The following PLXNA4 variants were observed in gnomAD, a reference collection of about 807,000 sequenced individuals.
PLXNA4 encodes the protein plexin-A4.
Under a neutral mutation model 191.8 loss-of-function variants are expected in PLXNA4, and 44 were observed. The ratio of observed to expected loss-of-function variants is 0.23; its 90% CI spans 0.18 to 0.29. PLXNA4 has a LOEUF of 0.29. Ranked by LOEUF, PLXNA4 falls within the 10% of genes least tolerant of loss-of-function variation. The probability of loss-of-function intolerance (pLI) is 1.00; values close to 1 mark genes in which losing one functional copy is unlikely to be tolerated. For synonymous variants in PLXNA4, 1,082 were observed against 1,009.5 expected, an observed-to-expected ratio of 1.07 and a Z score of -1.36; for missense variants, 1,800 against 2,488.8, an observed-to-expected ratio of 0.72 and a Z score of 5.89.
intron 2 of PLXNA4, among the ~76,000 whole-genome samples, chr7:132,607,591 G>A (rs1344357274): frequency 6.6e-6 from 1 of 152,250 alleles, no homozygotes; most frequent in Admixed American, 6.5e-5. Flanking sequence ...GAGGGGCTAT[G>A]AGAGCAATGA....
chr7:132,366,687 T>C (rs1017561403), intron 3 of PLXNA4, among the ~76,000 whole-genome samples: 3 of 152,214 alleles, frequency 2.0e-5, no homozygotes, highest in Non-Finnish European at 4.4e-5. Context: ...AAATTTTCCT[T>C]GGAAATATTA....
intron 3 of PLXNA4, among the ~76,000 whole-genome samples, chr7:132,405,657 C>A (rs1282914816): frequency 6.6e-6 from 1 of 152,212 alleles, no homozygotes; most frequent in Non-Finnish European, 1.5e-5. Context: ...GGTCCCACAG[C>A]CCATCACTTG....
intron 2 of PLXNA4, among the ~76,000 whole-genome samples, chr7:132,494,966 G>A (rs61429760): frequency 0.069 from 10,484 of 152,148 alleles, 830 homozygotes; most frequent in African/African-American, 0.19. Flanking sequence ...GTAGACCTGG[G>A]GAACAGTGGG....
At chr7:132,433,617 A>G (rs1795358336) in intron 3 of PLXNA4, among the ~76,000 whole-genome samples, 1 of 152,184 alleles carries the variant, frequency 6.6e-6, no homozygotes, top group Non-Finnish European at 1.5e-5. Flanking sequence ...AGAAAAGAGA[A>G]CCAGCTGGAC....
At chr7:132,364,724 T>C (rs1804085981) in intron 3 of PLXNA4, among the ~76,000 whole-genome samples, 1 of 152,192 alleles carries the variant, frequency 6.6e-6, no homozygotes, top group Non-Finnish European at 1.5e-5. Context: ...TGACGGTTCC[T>C]TTTTCTCACT....
intron 3 of PLXNA4, among the ~76,000 whole-genome samples, chr7:132,328,073 C>T (rs55646150): frequency 2.6e-5 from 4 of 152,258 alleles, no homozygotes; most frequent in Middle Eastern, 3.4e-3. Context: ...CTCTCTTCCT[C>T]GTTCCGCTCT....
chr7:132,544,306 C>T (rs1305737172), intron 1 of PLXNA4, among the ~76,000 whole-genome samples: 1 of 152,214 alleles, frequency 6.6e-6, no homozygotes, highest in Non-Finnish European at 1.5e-5. Flanking sequence ...AGAGAACCTA[C>T]CCATGGTGTC....
At chr7:132,518,613 C>T (rs913859700) in intron 1 of PLXNA4, among the ~76,000 whole-genome samples, 21 of 152,168 alleles carry the variant, frequency 1.4e-4, no homozygotes, top group Non-Finnish European at 2.5e-4. Flanking sequence ...GCAACCAGCC[C>T]GGTCCCAGGG....
At chr7:132,630,588 T>C (rs571853659) in intron 2 of PLXNA4, among the ~76,000 whole-genome samples, 3 of 152,278 alleles carry the variant, frequency 2.0e-5, no homozygotes, top group East Asian at 1.9e-4. Flanking sequence ...CTTGGCTCAC[T>C]GCAAGTTCCA....
intron 4 of PLXNA4, among the ~76,000 whole-genome samples, chr7:132,287,615 C>G (rs1800731273): frequency 6.6e-6 from 1 of 152,298 alleles, no homozygotes; most frequent in South Asian, 2.1e-4. Flanking sequence ...TGGTCACCCC[C>G]ATGGTCTGTC....
intron 21 of PLXNA4, among the ~76,000 whole-genome samples, chr7:132,172,759 A>ATAAT (rs71178026): frequency 2.3e-5 from 1 of 43,162 alleles, no homozygotes; most frequent in Non-Finnish European, 4.0e-5. Flanking sequence ...AACTTAAAGT[A>ATAAT]TAATAATAAT....
chr7:132,278,221 C>T (rs1800347489), intron 4 of PLXNA4, among the ~76,000 whole-genome samples: 1 of 152,154 alleles, frequency 6.6e-6, no homozygotes, highest in Non-Finnish European at 1.5e-5. Flanking sequence ...GAATTTTCTC[C>T]AGTGTGCAAG....
intron 3 of PLXNA4, among the ~76,000 whole-genome samples, chr7:132,393,896 G>C (rs1346444585): frequency 1.3e-5 from 2 of 152,122 alleles, no homozygotes; most frequent in Non-Finnish European, 2.9e-5. Context: ...TAACAATCCA[G>C]GCTTTTCTGC....
At chr7:132,152,679 C>T (rs563846679) in intron 25 of PLXNA4, among the ~76,000 whole-genome samples, 9 of 152,336 alleles carry the variant, frequency 5.9e-5, no homozygotes, top group South Asian at 4.2e-4. Flanking sequence ...AGCATCCTCC[C>T]GTGAAGGCTG....
intron 25 of PLXNA4, among the ~76,000 whole-genome samples, chr7:132,150,776 C>A (rs1368007208): frequency 6.6e-6 from 1 of 152,260 alleles, no homozygotes; most frequent in Non-Finnish European, 1.5e-5. Context: ...GAATAAACCA[C>A]ATGGCCTGGC....
chr7:132,138,937 T>TGACA (rs1216171741), intron 30 of PLXNA4, among the ~76,000 whole-genome samples: 2 of 152,350 alleles, frequency 1.3e-5, no homozygotes, highest in South Asian at 4.1e-4. Flanking sequence ...ACTATCACAA[T>TGACA]GACACTGTGG....
chr7:132,376,230 C>G (rs1804652968), intron 3 of PLXNA4, among the ~76,000 whole-genome samples: 1 of 152,148 alleles, frequency 6.6e-6, no homozygotes, highest in African/African-American at 2.4e-5. Flanking sequence ...GGGACTGTAC[C>G]AACTTTGCCG....
chr7:132,440,286 G>C (rs952833764), intron 3 of PLXNA4, among the ~76,000 whole-genome samples: 3 of 152,166 alleles, frequency 2.0e-5, no homozygotes, highest in Non-Finnish European at 2.9e-5. Flanking sequence ...CTCACATGCA[G>C]CTGTCAAATC....
At chr7:132,383,630 A>T (rs542991069) in intron 3 of PLXNA4, 1 of 983,216 alleles carries the variant, frequency 1.0e-6, no homozygotes, top group South Asian at 4.7e-5. Context: ...CAATGACTAC[A>T]TAAATATACC....
Sources: gnomAD v4.1 joint callset for allele counts (sites outside exome capture counted in the v4.1 genomes callset) on GRCh38, gnomAD v4.1.1 for gene constraint, MANE v1.5 for transcripts, NCBI Gene and HGNC (gene_info 2026-07-23, HGNC 2026-07-21) for gene names.